FFAR4: variants seen among roughly 807,000 people sequenced by gnomAD.
FFAR4 encodes the protein G-protein coupled receptor 120.
Under a neutral mutation model 27.0 loss-of-function variants are expected in FFAR4, and 19 were observed. That is an observed-to-expected ratio of 0.70 (90% CI 0.49 to 1.03). The LOEUF is 1.03. Among genes scored for constraint, FFAR4 ranks in the 50% least tolerant of loss-of-function variants. The pLI, the probability that FFAR4 is intolerant of heterozygous loss-of-function variation, is 0.00. For synonymous variants in FFAR4, 254 were observed against 215.6 expected (o/e 1.18, Z -1.56); for missense variants, 476 against 479.0 (o/e 0.99, Z 0.06).
Position 93,587,221 on chromosome 10 carries a change from T to C in FFAR4, c.698T>C (p.Ile233Thr). The C allele has an allele frequency of 3.1e-6, 5 of 1,611,604 alleles. No homozygotes were observed. Among genetic ancestry groups the C allele is most frequent in the Non-Finnish European group, 4.2e-6 (5 of 1,178,562 alleles). Residue 233 changes from isoleucine to threonine, a missense_variant and splice_region_variant, in exon 3 of 3, where the codon ATC becomes ACC. Ile to Thr is a moderately conservative substitution (Grantham distance 89). Transcript: ENST00000371481. Reference protein sequence around the residue: ...IVISYSKILQITKASRKRLTV... With the variant: ...IVISYSKILQTTKASRKRLTV... ...CAGTCCTGTTTTGGTTTTCCACAGATCACAAAGGCATCAAGGAAGAGGCTC... is the reference window on the plus strand; with the variant it reads ...CAGTCCTGTTTTGGTTTTCCACAGACCACAAAGGCATCAAGGAAGAGGCTC...
In FFAR4 at chr10:93,576,195, G is replaced by A; in HGVS notation, c.672G>A (p.Val224=). 1 of 1,614,080 alleles carries A rather than the reference G, an allele frequency of 6.2e-7. No homozygotes were observed. The highest frequency in any genetic ancestry group is 8.5e-7 in the Non-Finnish European group (1 of 1,179,964). Residue 224 remains valine, a synonymous_variant, in exon 2 of 3, where the codon GTG becomes GTA. Coordinates refer to ENST00000371481, the MANE Select transcript of FFAR4 (RefSeq NM_001195755.2). ...LNFLVPGLVI[V]ISYSKILQIT... ...TCTTGGTGCCAGGACTGGTCATTGT[G>A]ATCAGTTACTCCAAAATTTTACAGG... is the stretch of plus-strand genomic sequence containing the variant.
intron 1 of FFAR4, among the ~76,000 whole-genome samples, chr10:93,570,960 T>C (rs1402416643): frequency 1.3e-5 from 2 of 152,236 alleles, no homozygotes; most frequent in Non-Finnish European, 2.9e-5. Flanking sequence ...CGGATCATCA[T>C]GGGCACTCAT....
chr10:93,577,433 G>T (rs1049780555), intron 2 of FFAR4, among the ~76,000 whole-genome samples: 1 of 152,118 alleles, frequency 6.6e-6, no homozygotes, highest in African/African-American at 2.4e-5. Context: ...ATCCAGGTCT[G>T]CTAATCCCTG....
intron 2 of FFAR4, among the ~76,000 whole-genome samples, chr10:93,580,256 A>C (rs1652536533): frequency 1.3e-5 from 2 of 152,220 alleles, no homozygotes; most frequent in Admixed American, 1.3e-4. Flanking sequence ...ATTGAACATC[A>C]ATGTTAATTA....
Position 93,568,844 on chromosome 10 carries a change from T to C in FFAR4, c.567+1557T>C, listed in dbSNP as rs146790282. On this transcript the variant is annotated intron_variant, in intron 1 of 2. Coordinates refer to ENST00000371481, the MANE Select transcript of FFAR4 (RefSeq NM_001195755.2). ...TTTGTTTATGAGCTTGAATGACTAA[T>C]AGGCAGGAGCCCCATCAAGCCTGTG... Among the ~76,000 whole-genome samples the C allele has an allele frequency of 2.6e-3, 392 of 152,276 alleles. 4 individuals are homozygous for C. Among genetic ancestry groups the C allele is most frequent in the African/African-American group, 9.1e-3 (380 of 41,536 alleles).
intron 2 of FFAR4, chr10:93,579,216 C>T (rs2058185153): frequency 2.2e-5 from 36 of 1,608,164 alleles, no homozygotes; most frequent in Non-Finnish European, 3.1e-5. Context: ...GGTAAAAGGG[C>T]ACTCTGAGTA....
intron 2 of FFAR4, among the ~76,000 whole-genome samples, chr10:93,586,345 C>A (rs74492231): frequency 0.021 from 3,178 of 152,230 alleles, 131 homozygotes; most frequent in African/African-American, 0.073. Context: ...CCCCTTCTGC[C>A]ATGATTGTAA....
At chr10:93,585,581 GGA>G (rs1284004152) in intron 2 of FFAR4, among the ~76,000 whole-genome samples, 1 of 152,222 alleles carries the variant, frequency 6.6e-6, no homozygotes, top group African/African-American at 2.4e-5. Context: ...TTGTGGTGCT[GGA>G]GCTGGGAGGA....
chr10:93,577,935 A>C (rs906562945), intron 2 of FFAR4, among the ~76,000 whole-genome samples: 1 of 152,094 alleles, frequency 6.6e-6, no homozygotes. Flanking sequence ...TGGGCTAAAA[A>C]CCGAGCAAGA....
Position 93,566,944 on chromosome 10 carries a change from C to T in FFAR4, c.224C>T (p.Ala75Val). ...VARRRRRGAT[A>V]CLVLNLFCAD... ...CGCCGACGACGCCGCGGCGCGACTG[C>T]CTGCCTGGTACTCAACCTCTTCTGC... The change falls in exon 1 of 3, where the codon GCC (alanine) becomes GTC (valine). Residue 75 changes from alanine to valine, a missense_variant. Physicochemically the swap from Ala to Val is moderately conservative, Grantham distance 64 (BLOSUM62 0). Coordinates refer to ENST00000371481, the MANE Select transcript of FFAR4 (RefSeq NM_001195755.2). The T allele has an allele frequency of 6.2e-7, 1 of 1,610,722 alleles. No individual in the cohort carries two copies. Among genetic ancestry groups the T allele is most frequent in the South Asian group, 1.1e-5 (1 of 90,812 alleles).
intron 2 of FFAR4, among the ~76,000 whole-genome samples, chr10:93,583,913 A>G (rs1012246127): frequency 1.3e-5 from 2 of 152,222 alleles, no homozygotes; most frequent in Non-Finnish European, 2.9e-5. Flanking sequence ...TACACCAGGG[A>G]CCCTGGGTAC....
intron 2 of FFAR4, among the ~76,000 whole-genome samples, chr10:93,586,454 A>G (rs965223333): frequency 6.6e-6 from 1 of 152,208 alleles, no homozygotes; most frequent in African/African-American, 2.4e-5. Flanking sequence ...TAGCAGCATG[A>G]GAACGGAATA....
rs2058236435 is a variant in FFAR4, at chr10:93,587,538, T to G, written c.1015T>G (p.Phe339Val). ...GAAGAAAATTTTTTGCTGCTTCTGG[T>G]TCCCAGAAAAGGGAGCCATTTTAAC... ...EWKKIFCCFW[F>V]PEKGAILTDT... The change falls in exon 3 of 3, where the codon TTC becomes GTC. Residue 339 changes from phenylalanine to valine, a missense_variant. By Grantham distance (50) the Phe-to-Val change is conservative. Coordinates refer to ENST00000371481, the MANE Select transcript of FFAR4 (RefSeq NM_001195755.2). The G allele has an allele frequency of 6.2e-7, 1 of 1,613,884 alleles. No individual in the cohort carries two copies. Among genetic ancestry groups the G allele is most frequent in the South Asian group, 1.1e-5 (1 of 91,074 alleles).
chr10:93,587,396 C>A lies in FFAR4; in HGVS notation c.873C>A (p.Asn291Lys), dbSNP rs1175881579. The change falls in exon 3 of 3, where the codon AAC (asparagine) becomes AAA (lysine). Residue 291 changes from asparagine to lysine, a missense_variant. By Grantham distance (94) the Asn-to-Lys change is moderately conservative (BLOSUM62 0). Transcript: ENST00000371481. ...CCATCCTCCTCATCCTGATCCAGAA[C>A]TTCAAGCAAGACCTGGTCATCTGGC... ...IITILLILIQ[N>K]FKQDLVIWPS... 6.2e-7 allele frequency: 1 copy of A among 1,614,098 alleles called. No homozygotes were observed. The highest frequency in any genetic ancestry group is 1.1e-5 in the South Asian group (1 of 91,056).
At chr10:93,580,981 C>T (rs940382008) in intron 2 of FFAR4, among the ~76,000 whole-genome samples, 20 of 152,348 alleles carry the variant, frequency 1.3e-4, no homozygotes, top group African/African-American at 4.1e-4. Flanking sequence ...GCTTGCTTGA[C>T]GTCATCGCCC....
At chr10:93,586,273 C>T (rs930836425) in intron 2 of FFAR4, among the ~76,000 whole-genome samples, 1 of 152,122 alleles carries the variant, frequency 6.6e-6, no homozygotes, top group African/African-American at 2.4e-5. Context: ...AGGGTCTCCC[C>T]CTTCGCTTGG....
At chr10:93,585,327 C>G (rs766365410) in intron 2 of FFAR4, among the ~76,000 whole-genome samples, 1 of 152,272 alleles carries the variant, frequency 6.6e-6, no homozygotes, top group African/African-American at 2.4e-5. Context: ...TGCAAGGATA[C>G]GCATGAGGAG....
Position 93,582,362 on chromosome 10 carries a change from T to G in FFAR4, c.697-4858T>G, listed in dbSNP as rs184249309. ...GAGGTCAAGACCAGCCTGACCAACA[T>G]GGAGAAACCCCGTCTCTACTAAAAA... On this transcript the variant is annotated intron_variant, in intron 2 of 2. Transcript: ENST00000371481. Among the ~76,000 whole-genome samples, 40 of 151,994 alleles carry G rather than the reference T, an allele frequency of 2.6e-4. No individual in the cohort carries two copies. The East Asian group carries it at 6.6e-3, about 25-fold the overall frequency.
Position 93,576,033 on chromosome 10 carries a change from G to A in FFAR4, c.568-58G>A. The A allele has an allele frequency of 2.5e-6, 4 of 1,591,130 alleles. No homozygotes were observed. In the South Asian group the frequency reaches 4.4e-5, roughly 18 times the overall value. On this transcript the variant is annotated intron_variant, in intron 1 of 2. Transcript: ENST00000371481. ...GTCAGGAAACCCTCAATAAGACTGA[G>A]CCAGAGGCCAATAAGAAGCCAGCAT...
Sources: allele counts gnomAD v4.1 joint callset (sites outside exome capture counted in the v4.1 genomes callset), GRCh38; gene constraint gnomAD v4.1.1; transcripts MANE v1.5; gene names NCBI Gene and HGNC (gene_info 2026-07-23, HGNC 2026-07-21).